Variants in API5 observed in about 807,000 individuals in gnomAD.
API5 encodes FIF.
Under a neutral mutation model 71.9 loss-of-function variants are expected in API5, and 6 were observed. The observed-to-expected ratio is 0.08, with a 90% confidence interval of 0.05 to 0.16. The LOEUF (loss-of-function observed/expected upper bound fraction) is 0.16. Among genes scored for constraint, API5 ranks in the 10% least tolerant of loss-of-function variants. The pLI, the probability that API5 is intolerant of heterozygous loss-of-function variation, is 1.00. For missense variants in API5, 332 were observed against 612.8 expected, an observed-to-expected ratio of 0.54 and a Z score of 4.84; for synonymous variants, 189 against 221.3, an observed-to-expected ratio of 0.85 and a Z score of 1.30.
At chr11:43,333,149 T>A (rs1202765549) in intron 11 of API5, among the ~76,000 whole-genome samples, 1 of 152,166 alleles carries the variant, frequency 6.6e-6, no homozygotes, top group African/African-American at 2.4e-5. Flanking sequence ...ATACAGGCCT[T>A]CTGTATCCAA....
At chr11:43,336,030 G>C (rs748719759) in intron 13 of API5, 36 bp downstream of exon 13, 1 of 1,605,450 alleles carries the variant, frequency 6.2e-7, no homozygotes. Flanking sequence ...GAATATGAGA[G>C]ATTAGGCAGA....
intron 11 of API5, among the ~76,000 whole-genome samples, chr11:43,334,303 T>G (rs1416606454): frequency 2.6e-5 from 4 of 152,182 alleles, no homozygotes; most frequent in African/African-American, 9.7e-5. Flanking sequence ...TGTTGTCTTC[T>G]GAGATTTAAC....
rs1854485631 is a variant in API5, at chr11:43,312,021, G to C, written c.-107G>C. 7.9e-7 allele frequency: 1 copy of C among 1,267,052 alleles called. No individual in the cohort carries two copies. The highest frequency in any genetic ancestry group is 1.1e-6 in the Non-Finnish European group (1 of 900,454). The allele number at this position is 1,267,052 out of a possible 1,614,324, so 78.5% of individuals were successfully genotyped here. ...GTGACTGGCGGCTGCACTGGCGGCA[G>C]CTGGAGGTGTAATAGTGCGGGTAGT... is the stretch of plus-strand genomic sequence containing the variant. On this transcript the variant is annotated 5_prime_UTR_variant, in exon 1 of 14. Transcript: ENST00000531273.
intron 13 of API5, among the ~76,000 whole-genome samples, chr11:43,338,720 G>A (rs1173992620): frequency 6.7e-6 from 1 of 149,618 alleles, no homozygotes; most frequent in African/African-American, 2.4e-5. Flanking sequence ...CCTTCATACA[G>A]TGTATTTAAT....
rs1855124527 is a variant in API5 at position 43,327,833 on chromosome 11, G to A, written c.900G>A (p.Met300Ile). 1 of 1,612,208 alleles carries A rather than the reference G, an allele frequency of 6.2e-7. No individual in the cohort carries two copies. The highest frequency in any genetic ancestry group is 8.5e-7 in the Non-Finnish European group (1 of 1,179,292). ...AGATGAGTTCATTTTGTGGTGACAT[G>A]GAAAAACTAGAAACAAATTTAAGGA... ...LAEMSSFCGD[M>I]EKLETNLRKL... Residue 300 changes from methionine to isoleucine, a missense_variant, in exon 8 of 14, where the codon ATG becomes ATA. Around this residue, in one of 3 missense-constraint regions of API5, gnomAD observed 168 missense variants for 343.9 expected, o/e 0.49. Transcript: ENST00000531273.
chr11:43,314,451 T>A (rs894174106), intron 1 of API5, among the ~76,000 whole-genome samples: 1 of 152,232 alleles, frequency 6.6e-6, no homozygotes, highest in Admixed American at 6.5e-5. Flanking sequence ...GGTCAAAATG[T>A]CTTTCACAGC....
intron 11 of API5, among the ~76,000 whole-genome samples, chr11:43,334,270 C>T (rs2036065): frequency 0.012 from 1,900 of 152,204 alleles, 19 homozygotes; most frequent in Non-Finnish European, 0.018. Flanking sequence ...TTTAATGAAT[C>T]CCCAAACTAT....
chr11:43,317,050 G>C (rs1854697279), intron 1 of API5, among the ~76,000 whole-genome samples: 1 of 152,130 alleles, frequency 6.6e-6, no homozygotes, highest in East Asian at 1.9e-4. Flanking sequence ...TAATTCTGTA[G>C]TTCATTGGAT....
Position 43,328,778 on chromosome 11 carries a change from C to T in API5, c.1012C>T (p.Leu338=), listed in dbSNP as rs1210025568. ...GENAGNEEPK[L]QFSYVECLLY... ...GAATGCTGGTAATGAAGAACCCAAG[C>T]TACAGTTCAGTTATGTGGAATGTTT... The change falls in exon 9 of 14, where the codon CTA becomes TTA. Residue 338 remains leucine, a synonymous_variant. Coordinates refer to ENST00000531273, the MANE Select transcript of API5 (RefSeq NM_001142930.2). 1 of 1,613,998 alleles carries T rather than the reference C, an allele frequency of 6.2e-7. No homozygotes were observed. The highest frequency in any genetic ancestry group is 1.7e-5 in the Admixed American group (1 of 59,994).
At chr11:43,313,116 A>AC (rs1415382361) in intron 1 of API5, among the ~76,000 whole-genome samples, 3 of 151,964 alleles carry the variant, frequency 2.0e-5, no homozygotes, top group African/African-American at 7.2e-5. Flanking sequence ...CAAAAAAAAA[A>AC]AAAAAGGTTT....
chr11:43,330,302 G>A (rs1470378025), intron 10 of API5: 2 of 622,060 alleles, frequency 3.2e-6, no homozygotes, highest in Non-Finnish European at 5.6e-6. Context: ...AGGGAACACA[G>A]ATTATTTGCT....
intron 9 of API5, 94 bp from the exon 10 acceptor site, chr11:43,329,871 C>G: frequency 1.0e-6 from 1 of 983,272 alleles, no homozygotes; most frequent in Non-Finnish European, 1.6e-6. Context: ...GTAACCATTT[C>G]TGCACTTAGG....
intron 2 of API5, among the ~76,000 whole-genome samples, chr11:43,320,228 T>C (rs1228564216): frequency 1.3e-5 from 2 of 151,952 alleles, no homozygotes; most frequent in African/African-American, 4.8e-5. Flanking sequence ...GTATTTTTAG[T>C]ACGGACAGGG....
At chr11:43,314,730 CA>C (rs1854610781) in intron 1 of API5, among the ~76,000 whole-genome samples, 1 of 152,152 alleles carries the variant, frequency 6.6e-6, no homozygotes, top group Non-Finnish European at 1.5e-5. Context: ...TCAGGCAGCT[CA>C]AATATTGTGA....
intron 1 of API5, among the ~76,000 whole-genome samples, chr11:43,316,442 TTA>T (rs1362190751): frequency 6.6e-6 from 1 of 152,070 alleles, no homozygotes; most frequent in African/African-American, 2.4e-5. Context: ...TCAAATGGCT[TTA>T]TGAGTAAGTT....
In API5 at chr11:43,312,089, C is replaced by T. The variant is rs1428496804; in HGVS notation, c.-39C>T. Reference sequence around the variant, plus strand: ...GAGGCGGCGGTGGCGCCGGTCAGGACAAGGATAGCGGAACCGGGCCCTGGG... The same window carrying T: ...GAGGCGGCGGTGGCGCCGGTCAGGATAAGGATAGCGGAACCGGGCCCTGGG... On this transcript the variant is annotated 5_prime_UTR_variant, in exon 1 of 14. Transcript: ENST00000531273. 1.2e-6 allele frequency: 2 copies of T among 1,610,918 alleles called. No homozygotes were observed. The highest frequency in any genetic ancestry group is 1.7e-5 in the Admixed American group (1 of 59,936).
chr11:43,342,257 A>G (rs1457711385), intron 13 of API5, among the ~76,000 whole-genome samples, 171 bp from the exon 14 acceptor site: 1 of 152,140 alleles, frequency 6.6e-6, no homozygotes, highest in Non-Finnish European at 1.5e-5. Context: ...TTCAGTATAT[A>G]TGTTGTTCTT....
intron 13 of API5, among the ~76,000 whole-genome samples, chr11:43,336,673 A>G (rs1023985037): frequency 6.6e-6 from 1 of 151,886 alleles, no homozygotes; most frequent in African/African-American, 2.4e-5. Flanking sequence ...TTTTTAAAAG[A>G]ATGGAGAGAA....
chr11:43,330,961 TATCTGCTAGCCTAAACAAAAATA>T (rs140930123), intron 11 of API5, among the ~76,000 whole-genome samples: 21,034 of 152,092 alleles, frequency 0.14, 3,885 homozygotes, highest in African/African-American at 0.42. Context: ...CCTTCCCAAG[TATCTGCTAGCCTAAACAAAAATA>T]ATAACCTGAG....
Sources: allele counts gnomAD v4.1 joint callset (sites outside exome capture counted in the v4.1 genomes callset), GRCh38; gene constraint gnomAD v4.1.1; regional missense constraint gnomAD v4.1.1; transcripts MANE v1.5; gene names NCBI Gene and HGNC (gene_info 2026-07-23, HGNC 2026-07-21).